The following TMC1 variants were observed in gnomAD, a reference collection of about 807,000 sequenced individuals.
TMC1 encodes the protein transmembrane channel like 1.
In TMC1, 84 loss-of-function variants were observed where a neutral mutation model predicts 105.8. That is an observed-to-expected ratio of 0.79 (90% CI 0.67 to 0.95). The LOEUF is 0.95. TMC1 is among the 40% of genes least tolerant of loss of function. TMC1 has a pLI of 0.00. For missense variants in TMC1, 817 were observed against 914.1 expected (o/e 0.89, Z 1.37); for synonymous variants, 315 against 311.5 (o/e 1.01, Z -0.12).
chr9:72,598,609 G>T (rs1239654577), intron 2 of TMC1, among the ~76,000 whole-genome samples: 1 of 152,128 alleles, frequency 6.6e-6, no homozygotes. Context: ...AATTCTCCAA[G>T]GTTGAGGGCC....
intron 18 of TMC1, among the ~76,000 whole-genome samples, chr9:72,806,330 G>T (rs1021189227): frequency 1.3e-5 from 2 of 148,392 alleles, no homozygotes; most frequent in Non-Finnish European, 1.5e-5. Context: ...CCTGGACGGG[G>T]CGGCTGGCCG....
intron 5 of TMC1, among the ~76,000 whole-genome samples, chr9:72,670,226 A>G (rs1439062165): frequency 1.3e-5 from 2 of 152,162 alleles, no homozygotes; most frequent in Admixed American, 6.5e-5. Context: ...TTAGAATCAC[A>G]TAGGCCTGGG....
intron 5 of TMC1, among the ~76,000 whole-genome samples, chr9:72,654,011 G>T (rs930019344): frequency 6.6e-5 from 10 of 152,122 alleles, no homozygotes; most frequent in African/African-American, 2.4e-4. Flanking sequence ...TGTATACGTG[G>T]TTCACAGTTT....
intron 13 of TMC1, among the ~76,000 whole-genome samples, chr9:72,783,946 A>G (rs1828131100): frequency 6.6e-6 from 1 of 152,188 alleles, no homozygotes; most frequent in South Asian, 2.1e-4. Context: ...TTAGTTTTTA[A>G]AACTAATCTA....
intron 5 of TMC1, 74 bp downstream of exon 5, chr9:72,648,738 G>C: frequency 7.1e-7 from 1 of 1,403,134 alleles, no homozygotes; most frequent in Non-Finnish European, 1.0e-6. Context: ...GAAAACTTTG[G>C]AAAGTTTGTT....
chr9:72,790,901 A>G (rs550537882), intron 15 of TMC1, among the ~76,000 whole-genome samples: 13 of 152,140 alleles, frequency 8.5e-5, no homozygotes, highest in Admixed American at 2.0e-4. Flanking sequence ...AAAATCTAAT[A>G]GCAATTGTTT....
At chr9:72,670,634 A>G (rs1040790098) in intron 5 of TMC1, among the ~76,000 whole-genome samples, 1 of 152,246 alleles carries the variant, frequency 6.6e-6, no homozygotes, top group Non-Finnish European at 1.5e-5. Context: ...AGAGCTAATT[A>G]TAACTGCCAA....
chr9:72,747,682 G>T (rs1827513120), intron 10 of TMC1, among the ~76,000 whole-genome samples: 1 of 152,070 alleles, frequency 6.6e-6, no homozygotes, highest in South Asian at 2.1e-4. Context: ...GCAAACCTCT[G>T]CCTCCTGGGT....
intron 8 of TMC1, among the ~76,000 whole-genome samples, chr9:72,731,959 T>C (rs1036444012): frequency 2.0e-5 from 3 of 152,226 alleles, no homozygotes; most frequent in African/African-American, 7.2e-5. Flanking sequence ...TAAATATTTA[T>C]CTATATCTTT....
At chr9:72,753,798 C>T (rs1035688983) in intron 11 of TMC1, among the ~76,000 whole-genome samples, 8 of 152,176 alleles carry the variant, frequency 5.3e-5, no homozygotes, top group Non-Finnish European at 8.8e-5. Flanking sequence ...TGCCCTTTTG[C>T]CCCAAGGTCC....
At chr9:72,571,354 C>T (rs1253533721) in intron 1 of TMC1, among the ~76,000 whole-genome samples, 1 of 141,444 alleles carries the variant, frequency 7.1e-6, no homozygotes, top group African/African-American at 2.7e-5. Flanking sequence ...AGAAAACTAC[C>T]TGATTACTAT....
At chr9:72,663,335 A>C (rs1015742587) in intron 5 of TMC1, among the ~76,000 whole-genome samples, 5 of 152,216 alleles carry the variant, frequency 3.3e-5, no homozygotes, top group Non-Finnish European at 5.9e-5. Context: ...AAGACATCTC[A>C]AAAGACCAAT....
At chr9:72,531,501 C>G (rs1229176932) in intron 1 of TMC1, among the ~76,000 whole-genome samples, 1 of 152,152 alleles carries the variant, frequency 6.6e-6, no homozygotes, top group Non-Finnish European at 1.5e-5. Context: ...TGATATTTTC[C>G]AGGTCAACTG....
At chr9:72,600,056 A>G (rs1824782123) in intron 2 of TMC1, among the ~76,000 whole-genome samples, 1 of 152,138 alleles carries the variant, frequency 6.6e-6, no homozygotes, top group Non-Finnish European at 1.5e-5. Flanking sequence ...TTGTAGGATG[A>G]GGGCCATGTA....
chr9:72,629,721 G>A (rs1018340128), intron 4 of TMC1, among the ~76,000 whole-genome samples: 3 of 152,074 alleles, frequency 2.0e-5, no homozygotes, highest in Admixed American at 6.5e-5. Context: ...AGAAAATAGT[G>A]GTTATGTGTG....
At chr9:72,817,981 A>G (rs904609136) in intron 19 of TMC1, among the ~76,000 whole-genome samples, 1 of 152,088 alleles carries the variant, frequency 6.6e-6, no homozygotes, top group Non-Finnish European at 1.5e-5. Flanking sequence ...TTATTCTATT[A>G]TTCACCTTCA....
chr9:72,829,769 CTTCT>C (rs1238175372), intron 21 of TMC1, among the ~76,000 whole-genome samples: 1 of 152,062 alleles, frequency 6.6e-6, no homozygotes, highest in Non-Finnish European at 1.5e-5. Context: ...TACTGCATTT[CTTCT>C]TTGTTTGTTT....
At chr9:72,768,583 T>G (rs1827874969) in intron 12 of TMC1, among the ~76,000 whole-genome samples, 1 of 152,168 alleles carries the variant, frequency 6.6e-6, no homozygotes, top group Non-Finnish European at 1.5e-5. Flanking sequence ...CTTTGTGAAC[T>G]AATCATGACT....
intron 1 of TMC1, among the ~76,000 whole-genome samples, chr9:72,528,581 G>A (rs907528082): frequency 6.6e-6 from 1 of 152,020 alleles, no homozygotes; most frequent in African/African-American, 2.4e-5. Context: ...TGATCCACCC[G>A]CCTCGGCCTC....
Sources: allele counts gnomAD v4.1 joint callset (sites outside exome capture counted in the v4.1 genomes callset), GRCh38; gene constraint gnomAD v4.1.1; transcripts MANE v1.5; gene names NCBI Gene and HGNC (gene_info 2026-07-23, HGNC 2026-07-21).